The following HTT variants were observed in gnomAD, a reference collection of about 807,000 sequenced individuals.
HTT encodes huntingtin.
Under a neutral mutation model 362.3 loss-of-function variants are expected in HTT, and 104 were observed. That is an observed-to-expected ratio of 0.29 (90% CI 0.24 to 0.34). The LOEUF (loss-of-function observed/expected upper bound fraction) is 0.34, where lower values mean the gene tolerates loss of function less well. Ranked by LOEUF, HTT falls within the 10% of genes least tolerant of loss-of-function variation. The pLI, the probability that HTT is intolerant of heterozygous loss-of-function variation, is 1.00. For missense variants in HTT, 3,301 were observed against 3,928.6 expected (o/e 0.84, Z 4.27); for synonymous variants, 1,577 against 1,548.7 (o/e 1.02, Z -0.43).
At chr4:3,108,487 C>T (rs779010667) in intron 6 of HTT, among the ~76,000 whole-genome samples, 17 of 152,224 alleles carry the variant, frequency 1.1e-4, no homozygotes, top group Non-Finnish European at 2.1e-4. Context: ...GCTGTGAGAG[C>T]TCCACAGCGC....
intron 31 of HTT, 63 bp from the exon 32 acceptor site, chr4:3,174,658 G>T (rs1396498229): frequency 1.5e-6 from 2 of 1,293,230 alleles, no homozygotes. Context: ...GTATATCTGA[G>T]TGCAGAGGAG....
At chr4:3,190,774 G>C (rs1332187364) in intron 40 of HTT, among the ~76,000 whole-genome samples, 4 of 152,176 alleles carry the variant, frequency 2.6e-5, no homozygotes, top group African/African-American at 9.7e-5. Flanking sequence ...AAAGCAGCCA[G>C]TCCAAATTAG....
chr4:3,146,891 C>T lies in HTT; in HGVS notation c.3238C>T (p.Pro1080Ser), dbSNP rs766323111. The change falls in exon 25 of 67, where the codon CCA becomes TCA. Residue 1080 changes from proline to serine, a missense_variant. Pro to Ser is a moderately conservative substitution (Grantham distance 74). This residue lies in a region of HTT where 2,316 missense variants were observed against 2,658.5 expected (regional missense o/e 0.87). Coordinates refer to ENST00000355072, the MANE Select transcript of HTT (RefSeq NM_001388492.1). ...ILTLLSSAWF[P>S]LDLSAHQDAL... ...GACCCTGCTCTCGTCAGCTTGGTTC[C>T]CATTGGATCTCTCAGCCCATCAAGA... 7 of 1,614,150 alleles carry T rather than the reference C, an allele frequency of 4.3e-6. No homozygotes were observed. The highest frequency in any genetic ancestry group is 5.9e-6 in the Non-Finnish European group (7 of 1,179,998).
chr4:3,095,705 A>G (rs991856497), intron 2 of HTT, among the ~76,000 whole-genome samples: 5 of 152,238 alleles, frequency 3.3e-5, no homozygotes, highest in African/African-American at 1.2e-4. Context: ...ATGGTGTAAT[A>G]AGGTAGATTG....
intron 3 of HTT, among the ~76,000 whole-genome samples, chr4:3,102,783 T>C (rs2110158940): frequency 6.6e-6 from 1 of 152,356 alleles, no homozygotes; most frequent in Middle Eastern, 3.4e-3. Context: ...CCCTGTCCCA[T>C]CCCCTAGCTT....
At chr4:3,079,907 C>T (rs1712797685) in intron 1 of HTT, among the ~76,000 whole-genome samples, 2 of 152,138 alleles carry the variant, frequency 1.3e-5, no homozygotes, top group Non-Finnish European at 2.9e-5. Flanking sequence ...GAATGCGGAA[C>T]CAACTGCACT....
chr4:3,116,703 G>C lies in HTT; in HGVS notation c.1068+440G>C, dbSNP rs1183560348. ...GGCACGGTGGTATATGCTCACTCAA[G>C]GAGATAGGGACGTGGTCGTTTGGGG... On this transcript the variant is annotated intron_variant, in intron 8 of 66. Coordinates refer to ENST00000355072, the MANE Select transcript of HTT (RefSeq NM_001388492.1). Among the ~76,000 whole-genome samples, 3 of 152,206 alleles carry C rather than the reference G, an allele frequency of 2.0e-5. No homozygotes were observed. In the East Asian group the frequency reaches 5.8e-4, roughly 29 times the overall value.
At position 3,116,927 on chromosome 4, in the gene HTT, T is replaced by A. The variant is rs186559804; in HGVS notation, c.1068+664T>A. 7.9e-5 allele frequency among the ~76,000 whole-genome samples: 12 copies of A among 152,378 alleles called. No homozygotes were observed. In the East Asian group the frequency reaches 1.5e-3, roughly 20 times the overall value. On this transcript the variant is annotated intron_variant, in intron 8 of 66. Coordinates refer to ENST00000355072, the MANE Select transcript of HTT (RefSeq NM_001388492.1). ...ACTTAAAATGTTATGTCAGGGTTTT[T>A]ATTGTGCTTAATGTGTGCCATTTAG...
chr4:3,093,701 C>T (rs1320630978), intron 2 of HTT, among the ~76,000 whole-genome samples: 1 of 151,834 alleles, frequency 6.6e-6, no homozygotes, highest in African/African-American at 2.4e-5. Context: ...AGAGAGAAGG[C>T]CCTGTGAAGA....
chr4:3,178,997 A>G (rs1334385032), intron 35 of HTT, among the ~76,000 whole-genome samples: 1 of 152,104 alleles, frequency 6.6e-6, no homozygotes, highest in Non-Finnish European at 1.5e-5. Flanking sequence ...TGAGTTGCAA[A>G]TCTTTCTTTG....
rs765049456 is a variant in HTT at position 3,220,309 on chromosome 4, G to A, written c.7369+1G>A. ...TTCATCTACCGCATCAACACACTAG[G>A]TACTCTTGGGGCCTCTCCTTCAGGT... On this transcript the variant is annotated splice_donor_variant, in intron 53 of 66. Coordinates refer to ENST00000355072, the MANE Select transcript of HTT (RefSeq NM_001388492.1). LOFTEE classifies it high-confidence loss of function. 1 of 1,612,706 alleles carries A rather than the reference G, an allele frequency of 6.2e-7. No individual in the cohort carries two copies. The highest frequency in any genetic ancestry group is 8.5e-7 in the Non-Finnish European group (1 of 1,178,768).
At chr4:3,122,766 C>A in intron 9 of HTT, 123 bp from the exon 10 acceptor site, 1 of 692,530 alleles carries the variant, frequency 1.4e-6, no homozygotes, top group Non-Finnish European at 2.5e-6. Flanking sequence ...TTAAGTGTTT[C>A]CTGTGGAAAA....
At chr4:3,179,776 CACTG>C (rs948283843) in intron 35 of HTT, among the ~76,000 whole-genome samples, 7 of 141,646 alleles carry the variant, frequency 4.9e-5, no homozygotes, top group African/African-American at 1.9e-4. Flanking sequence ...GCGTATGTGT[CACTG>C]AGGGGGTCAG....
Position 3,242,859 on chromosome 4 carries a change from C to T in HTT, c.*2800C>T, listed in dbSNP as rs1052449750. ...TGTTTCTTTCCCAAAATGTGCCTCCCTTCCGCTGCGGGCCCAGCTGAGTCT... is the reference window on the plus strand; with the variant it reads ...TGTTTCTTTCCCAAAATGTGCCTCCTTTCCGCTGCGGGCCCAGCTGAGTCT... On this transcript the variant is annotated 3_prime_UTR_variant, in exon 67 of 67. Coordinates refer to ENST00000355072, the MANE Select transcript of HTT (RefSeq NM_001388492.1). 2.6e-5 allele frequency: 4 copies of T among 152,178 alleles called. No individual in the cohort carries two copies. Among genetic ancestry groups the T allele is most frequent in the Non-Finnish European group, 2.9e-5 (2 of 68,040 alleles). 9.4% of individuals were successfully genotyped at this position (152,178 alleles called of 1,614,324 possible).
At chr4:3,188,596 G>T (rs920664011) in intron 39 of HTT, 1 of 186,948 alleles carries the variant, frequency 5.3e-6, no homozygotes, top group South Asian at 1.1e-4. Flanking sequence ...CTTTTGGTTT[G>T]CAGGTTCAGC....
At chr4:3,083,006 G>A (rs1712999161) in intron 1 of HTT, among the ~76,000 whole-genome samples, 1 of 152,130 alleles carries the variant, frequency 6.6e-6, no homozygotes, top group Admixed American at 6.6e-5. Context: ...GTGGAAAGGG[G>A]GCAAGCCATG....
intron 31 of HTT, among the ~76,000 whole-genome samples, chr4:3,173,764 G>A (rs1560579500): frequency 6.6e-6 from 1 of 151,932 alleles, no homozygotes; most frequent in Admixed American, 6.6e-5. Context: ...TGCATCCTGG[G>A]TTCATGCCAT....
At chr4:3,104,378 G>A (rs1008373539) in intron 4 of HTT, among the ~76,000 whole-genome samples, 8 of 152,002 alleles carry the variant, frequency 5.3e-5, no homozygotes, top group Non-Finnish European at 1.0e-4. Context: ...GGGAGGCTGA[G>A]GCAGGTGATC....
At chr4:3,221,724 A>G (rs569380259) in intron 53 of HTT, among the ~76,000 whole-genome samples, 33 of 152,202 alleles carry the variant, frequency 2.2e-4, no homozygotes, top group Admixed American at 2.0e-4. Flanking sequence ...TGTCAGAAAC[A>G]ACTGTTCGTT....
Sources: gnomAD v4.1 joint callset for allele counts (sites outside exome capture counted in the v4.1 genomes callset) on GRCh38, gnomAD v4.1.1 for gene constraint, gnomAD v4.1.1 regional missense constraint, MANE v1.5 for transcripts, NCBI Gene and HGNC (gene_info 2026-07-23, HGNC 2026-07-21) for gene names.